The following DNAH7 variants were observed in gnomAD, a reference collection of about 807,000 sequenced individuals.
DNAH7 encodes axonemal beta dynein heavy chain 7.
Under a neutral mutation model 444.6 loss-of-function variants are expected in DNAH7, and 397 were observed. The ratio of observed to expected loss-of-function variants is 0.89; its 90% CI spans 0.82 to 0.97. The LOEUF (loss-of-function observed/expected upper bound fraction) is 0.97, where lower values mean the gene tolerates loss of function less well. Ranked by LOEUF, DNAH7 falls within the 50% of genes least tolerant of loss-of-function variation. The pLI, the probability that DNAH7 is intolerant of heterozygous loss-of-function variation, is 0.00. For missense variants in DNAH7, 4,902 were observed against 4,800.8 expected (o/e 1.02, Z -0.62); for synonymous variants, 1,636 against 1,624.4 (o/e 1.01, Z -0.17).
intron 40 of DNAH7, among the ~76,000 whole-genome samples, chr2:195,868,221 T>C (rs907616357): frequency 2.7e-5 from 4 of 150,538 alleles, no homozygotes; most frequent in Non-Finnish European, 5.9e-5. Context: ...TCAGCCTCTC[T>C]GAGTAGCTGG....
At chr2:196,041,029 T>TA (rs1005515150) in intron 5 of DNAH7, among the ~76,000 whole-genome samples, 1 of 150,940 alleles carries the variant, frequency 6.6e-6, no homozygotes, top group African/African-American at 2.4e-5. Context: ...CAATGAAAAA[T>TA]AAAAAACACT....
chr2:195,920,897 G>A (rs1209861362), intron 24 of DNAH7, among the ~76,000 whole-genome samples: 1 of 152,098 alleles, frequency 6.6e-6, no homozygotes, highest in Non-Finnish European at 1.5e-5. Context: ...CACAAAAAGT[G>A]GGTTATGGAC....
At chr2:195,833,640 GA>G (rs1698177736) in intron 48 of DNAH7, among the ~76,000 whole-genome samples, 1 of 152,154 alleles carries the variant, frequency 6.6e-6, no homozygotes, top group Non-Finnish European at 1.5e-5. Flanking sequence ...TGATAAATGT[GA>G]TATCTACATA....
At chr2:195,942,235 T>C (rs780336511) in intron 19 of DNAH7, among the ~76,000 whole-genome samples, 19 of 152,030 alleles carry the variant, frequency 1.2e-4, no homozygotes, top group Non-Finnish European at 2.4e-4. Context: ...TGAGAAAATA[T>C]ATCAAGAAAG....
intron 25 of DNAH7, among the ~76,000 whole-genome samples, chr2:195,907,870 G>A (rs1336727960): frequency 6.6e-6 from 1 of 151,992 alleles, no homozygotes; most frequent in Non-Finnish European, 1.5e-5. Context: ...AGTTGGAGAA[G>A]ACCCTATAAA....
chr2:195,852,236 C>T (rs766468511), intron 46 of DNAH7, among the ~76,000 whole-genome samples: 4 of 151,844 alleles, frequency 2.6e-5, no homozygotes, highest in South Asian at 2.1e-4. Flanking sequence ...CCAGTCTGGG[C>T]GACAGAGGGA....
At chr2:196,027,933 A>T in intron 6 of DNAH7, 27 bp downstream of exon 6, 1 of 1,600,508 alleles carries the variant, frequency 6.2e-7, no homozygotes. Flanking sequence ...CTTTTCAATT[A>T]TACAGACAAA....
chr2:196,067,677 C>T (rs1698503566), intron 1 of DNAH7, among the ~76,000 whole-genome samples: 1 of 152,156 alleles, frequency 6.6e-6, no homozygotes, highest in Non-Finnish European at 1.5e-5. Context: ...TAATGTACAA[C>T]TCAATGGATA....
intron 57 of DNAH7, among the ~76,000 whole-genome samples, chr2:195,790,835 A>G (rs141177759): frequency 4.6e-4 from 70 of 152,360 alleles, no homozygotes; most frequent in Non-Finnish European, 4.0e-4. Flanking sequence ...ACAAAAATTG[A>G]CAAGTGAGAC....
chr2:195,963,864 T>C (rs539855476), intron 17 of DNAH7, among the ~76,000 whole-genome samples: 19 of 152,304 alleles, frequency 1.2e-4, no homozygotes, highest in South Asian at 2.1e-4. Context: ...GTTGAAGAGA[T>C]TGTCTTTTTC....
intron 5 of DNAH7, among the ~76,000 whole-genome samples, chr2:196,033,526 T>G (rs543726558): frequency 1.3e-5 from 2 of 152,328 alleles, no homozygotes; most frequent in Admixed American, 6.5e-5. Flanking sequence ...GTATTTTAGA[T>G]TAAACATATG....
At chr2:195,993,885 G>C (rs1382158222) in intron 12 of DNAH7, among the ~76,000 whole-genome samples, 1 of 152,144 alleles carries the variant, frequency 6.6e-6, no homozygotes, top group Non-Finnish European at 1.5e-5. Flanking sequence ...CAGGTGGCCA[G>C]ACCCCATTCT....
In DNAH7 at chr2:195,794,518, T is replaced by C; in HGVS notation, c.10536A>G (p.Thr3512=). 6.2e-7 allele frequency: 1 copy of C among 1,614,152 alleles called. No homozygotes were observed. Among genetic ancestry groups the C allele is most frequent in the Non-Finnish European group, 8.5e-7 (1 of 1,180,002 alleles). ...TTAGCCACATTCGGAAATCTGGATG[T>C]GTTGACTCTGGGCTTAACTCCTGTA... is the stretch of plus-strand genomic sequence containing the variant. The part of the protein sequence containing the change: ...KVCEELSPES[T]HPDFRMWLTS... The change falls in exon 57 of 65, where the codon ACA becomes ACG. Residue 3512 remains threonine, a synonymous_variant. Coordinates refer to ENST00000312428, the MANE Select transcript of DNAH7 (RefSeq NM_018897.3).
At chr2:195,770,651 C>T (rs1476452029) in intron 61 of DNAH7, among the ~76,000 whole-genome samples, 1 of 152,148 alleles carries the variant, frequency 6.6e-6, no homozygotes, top group African/African-American at 2.4e-5. Flanking sequence ...AGCTTCTCAC[C>T]CATAATTCTC....
chr2:195,931,022 G>C (rs1481551285), intron 21 of DNAH7, among the ~76,000 whole-genome samples: 2 of 151,856 alleles, frequency 1.3e-5, no homozygotes, highest in Admixed American at 6.6e-5. Context: ...TAGACACTGG[G>C]GACTACTACA....
At chr2:195,836,620 CA>C (rs1184884714) in intron 47 of DNAH7, among the ~76,000 whole-genome samples, 1 of 151,588 alleles carries the variant, frequency 6.6e-6, no homozygotes, top group Admixed American at 6.6e-5. Flanking sequence ...GAAAAGACAT[CA>C]AAAGAGTAAT....
At position 195,738,139 on chromosome 2, in the gene DNAH7, T is replaced by C; in HGVS notation, c.11869-12A>G. 6.2e-7 allele frequency: 1 copy of C among 1,609,462 alleles called. No homozygotes were observed. Among genetic ancestry groups the C allele is most frequent in the Non-Finnish European group, 8.5e-7 (1 of 1,176,060 alleles). ...GGCTTTAGCCACATCTGGAAGAAAG[T>C]ACATAACACCTCTTTAAGTCAAGGC... On this transcript the variant is annotated splice_polypyrimidine_tract_variant and intron_variant, in intron 64 of 64. Transcript: ENST00000312428.
At chr2:195,903,074 A>C (rs1294745876) in intron 27 of DNAH7, 1 of 152,168 alleles carries the variant, frequency 6.6e-6, no homozygotes, top group Non-Finnish European at 1.5e-5. Context: ...ATTCCAGTGC[A>C]TGTAATCCAT....
intron 40 of DNAH7, among the ~76,000 whole-genome samples, chr2:195,869,012 C>T (rs2125113794): frequency 6.6e-6 from 1 of 151,934 alleles, no homozygotes; most frequent in Middle Eastern, 3.4e-3. Flanking sequence ...TGTTGCAGGA[C>T]TTTTCCTTAG....
Sources: gnomAD v4.1 joint callset for allele counts (sites outside exome capture counted in the v4.1 genomes callset) on GRCh38, gnomAD v4.1.1 for gene constraint, MANE v1.5 for transcripts, NCBI Gene and HGNC (gene_info 2026-07-23, HGNC 2026-07-21) for gene names.